Variants in PPP2R2C observed in about 807,000 individuals in gnomAD.
PPP2R2C encodes the protein protein phosphatase 2, regulatory subunit B, gamma.
A neutral mutation model predicts 45.3 loss-of-function variants in PPP2R2C; 10 were observed. The observed-to-expected ratio is 0.22, with a 90% confidence interval of 0.14 to 0.37. The LOEUF is 0.37. Among genes scored for constraint, PPP2R2C ranks in the 10% least tolerant of loss-of-function variants. PPP2R2C has a pLI of 1.00. For synonymous variants in PPP2R2C, 257 were observed against 245.4 expected (o/e 1.05, Z -0.44); for missense variants, 308 against 619.7 (o/e 0.50, Z 5.34).
At chr4:6,465,467 C>G (rs770536304) in intron 1 of PPP2R2C, among the ~76,000 whole-genome samples, 1 of 152,190 alleles carries the variant, frequency 6.6e-6, no homozygotes, top group Non-Finnish European at 1.5e-5. Context: ...GGAGTTCACC[C>G]TACCCAGAGT....
intron 1 of PPP2R2C, among the ~76,000 whole-genome samples, chr4:6,549,224 G>A (rs1008216007): frequency 1.3e-5 from 2 of 152,130 alleles, no homozygotes; most frequent in Admixed American, 6.5e-5. Flanking sequence ...CAGGCAGACT[G>A]ACGCTGTAAA....
chr4:6,433,316 A>ATTGGCAAATGAC (rs1719724447), intron 1 of PPP2R2C, among the ~76,000 whole-genome samples: 2 of 152,292 alleles, frequency 1.3e-5, no homozygotes, highest in South Asian at 4.2e-4. Flanking sequence ...ATATCTGGAT[A>ATTGGCAAATGAC]TTGGCAAATG....
intron 8 of PPP2R2C, among the ~76,000 whole-genome samples, chr4:6,325,110 G>A (rs1307109860): frequency 6.6e-6 from 1 of 152,158 alleles, no homozygotes; most frequent in Non-Finnish European, 1.5e-5. Flanking sequence ...CAGGGGCTTG[G>A]GCTCTGGCCA....
At position 6,330,441 on chromosome 4, in the gene PPP2R2C, T is replaced by G. The variant is rs1732316363; in HGVS notation, c.961-1088A>C. ...CTGTGAAGACATTTTGTAGGGGAGG[T>G]TAACATTTAAGCTGATATACTGAGT... is the stretch of plus-strand genomic sequence containing the variant. On this transcript the variant is annotated intron_variant, in intron 7 of 8. Transcript: ENST00000382599. The surrounding 1 kb of genome is among the most constrained non-coding windows in gnomAD (Gnocchi z 7.0). Among the ~76,000 whole-genome samples, 1 of 151,758 alleles carries G rather than the reference T, an allele frequency of 6.6e-6. No homozygotes were observed. The highest frequency in any genetic ancestry group is 1.5e-5 in the Non-Finnish European group (1 of 67,956).
intron 1 of PPP2R2C, among the ~76,000 whole-genome samples, chr4:6,551,901 A>G (rs1725197205): frequency 6.6e-6 from 1 of 152,216 alleles, no homozygotes; most frequent in Admixed American, 6.5e-5. Flanking sequence ...ACCATGAAAC[A>G]CAATGAAATG....
At chr4:6,362,230 G>A (rs1487695311) in intron 5 of PPP2R2C, among the ~76,000 whole-genome samples, 1 of 152,160 alleles carries the variant, frequency 6.6e-6, no homozygotes, top group Non-Finnish European at 1.5e-5. Context: ...AGGCTCCAGG[G>A]TGATGGAGTA....
intron 6 of PPP2R2C, among the ~76,000 whole-genome samples, chr4:6,340,561 T>C (rs1161293560): frequency 2.2e-5 from 3 of 138,684 alleles, no homozygotes; most frequent in Non-Finnish European, 4.7e-5. Context: ...CAGCAGCAAA[T>C]CCAGCAGGCC....
intron 1 of PPP2R2C, among the ~76,000 whole-genome samples, chr4:6,428,349 G>A (rs115399591): frequency 1.3e-5 from 2 of 152,212 alleles, no homozygotes; most frequent in African/African-American, 4.8e-5. Flanking sequence ...CTCACCGCAA[G>A]AAGCCAGGGC....
intron 1 of PPP2R2C, among the ~76,000 whole-genome samples, chr4:6,394,521 C>T (rs955733166): frequency 6.6e-6 from 1 of 152,226 alleles, no homozygotes; most frequent in Admixed American, 6.5e-5. Context: ...TCGACTGTCT[C>T]CTGTCCTGCT....
chr4:6,429,024 T>A (rs1238304990), intron 1 of PPP2R2C, among the ~76,000 whole-genome samples: 1 of 152,162 alleles, frequency 6.6e-6, no homozygotes, highest in African/African-American at 2.4e-5. Flanking sequence ...GTGGGACATA[T>A]GTCCTCTTTG....
Position 6,382,470 on chromosome 4 carries a change from T to G in PPP2R2C, c.71-1376A>C, listed in dbSNP as rs762940716. The G allele has an allele frequency of 3.0e-6, 4 of 1,352,050 alleles. No individual in the cohort carries two copies. The South Asian group carries it at 4.5e-5, about 15-fold the overall frequency. The allele number at this position is 1,352,050 out of a possible 1,614,324, so 83.8% of individuals were successfully genotyped here. On this transcript the variant is annotated intron_variant, in intron 1 of 8. Coordinates refer to ENST00000382599, the MANE Select transcript of PPP2R2C (RefSeq NM_020416.4). ...CGTGATGACCAAACTCCTGAGCCAG[T>G]GCATCCCTGTGTCCCTCTATTCAAA...
At chr4:6,325,586 ATAAT>A (rs1306031269) in intron 8 of PPP2R2C, among the ~76,000 whole-genome samples, 1 of 152,188 alleles carries the variant, frequency 6.6e-6, no homozygotes, top group African/African-American at 2.4e-5. Flanking sequence ...GGAGAGCGAC[ATAAT>A]TAAAGTCATT....
chr4:6,440,728 G>T (rs1720113269), intron 1 of PPP2R2C, among the ~76,000 whole-genome samples: 1 of 152,184 alleles, frequency 6.6e-6, no homozygotes, highest in South Asian at 2.1e-4. Flanking sequence ...ATAGCTGATG[G>T]ACGCCGCCTG....
intron 1 of PPP2R2C, chr4:6,383,000 A>C: frequency 2.8e-6 from 3 of 1,070,166 alleles, no homozygotes; most frequent in South Asian, 2.8e-5. Flanking sequence ...CCAAACCTTC[A>C]CCCCTCCCAT....
chr4:6,531,042 G>A (rs1391682088), intron 2 of PPP2R2C, among the ~76,000 whole-genome samples: 1 of 152,228 alleles, frequency 6.6e-6, no homozygotes, highest in Non-Finnish European at 1.5e-5. Flanking sequence ...GGACCACAGA[G>A]CCAGCTTGGC....
intron 2 of PPP2R2C, among the ~76,000 whole-genome samples, chr4:6,506,005 C>T (rs1723217164): frequency 6.6e-6 from 1 of 151,972 alleles, no homozygotes; most frequent in Non-Finnish European, 1.5e-5. Context: ...AAAATAAAAT[C>T]CAAGAATGAA....
At chr4:6,499,269 A>G (rs1311424563) in intron 2 of PPP2R2C, among the ~76,000 whole-genome samples, 3 of 152,222 alleles carry the variant, frequency 2.0e-5, no homozygotes, top group African/African-American at 7.2e-5. Context: ...CAGTCCTCCC[A>G]GGTGTCTGGC....
intron 1 of PPP2R2C, among the ~76,000 whole-genome samples, chr4:6,560,506 G>T (rs1725540249): frequency 6.6e-6 from 1 of 152,178 alleles, no homozygotes; most frequent in Non-Finnish European, 1.5e-5. Context: ...CTGTGCCTCA[G>T]TAAAACGGAG....
At chr4:6,339,269 C>T (rs1733256345) in intron 6 of PPP2R2C, among the ~76,000 whole-genome samples, 1 of 152,366 alleles carries the variant, frequency 6.6e-6, no homozygotes, top group East Asian at 1.9e-4. Context: ...GCCAGGGGTC[C>T]TGCCTTGGTC....
Sources: allele counts gnomAD v4.1 joint callset (sites outside exome capture counted in the v4.1 genomes callset), GRCh38; gene constraint gnomAD v4.1.1; non-coding constraint Gnocchi (gnomAD v3.1); transcripts MANE v1.5; gene names NCBI Gene and HGNC (gene_info 2026-07-23, HGNC 2026-07-21).